Variants in TMEM131L observed in about 807,000 individuals in gnomAD.
The protein encoded by TMEM131L is transmembrane 131 like.
Under a neutral mutation model 192.2 loss-of-function variants are expected in TMEM131L, and 54 were observed. The observed-to-expected ratio is 0.28, with a 90% CI of 0.23 to 0.35. The LOEUF is 0.35. Ranked by LOEUF, TMEM131L falls within the 10% of genes least tolerant of loss-of-function variation. The pLI is 1.00. For missense variants in TMEM131L, 1,888 were observed against 1,972.9 expected, an observed-to-expected ratio of 0.96 and a Z score of 0.82; for synonymous variants, 701 against 704.9, an observed-to-expected ratio of 0.99 and a Z score of 0.09.
At chr4:153,586,072 C>T in intron 13 of TMEM131L, 137 bp from the exon 14 acceptor site, 1 of 580,248 alleles carries the variant, frequency 1.7e-6, no homozygotes. Context: ...TAAAAATATT[C>T]CAACTTTTGA....
At chr4:153,467,047 A>C (rs1347379119) in intron 1 of TMEM131L, among the ~76,000 whole-genome samples, 164 bp from the exon 2 acceptor site, 1 of 150,838 alleles carries the variant, frequency 6.6e-6, no homozygotes, top group Non-Finnish European at 1.5e-5. Flanking sequence ...CACCCCACCC[A>C]TTGTATTTTT....
intron 7 of TMEM131L, among the ~76,000 whole-genome samples, chr4:153,559,172 G>A (rs1215470955): frequency 2.6e-5 from 4 of 152,136 alleles, no homozygotes; most frequent in Non-Finnish European, 5.9e-5. Context: ...TTGTATCTGC[G>A]TAGAGCCTAC....
chr4:153,622,375 T>G (rs765043053), intron 28 of TMEM131L, among the ~76,000 whole-genome samples: 3 of 152,210 alleles, frequency 2.0e-5, no homozygotes, highest in Non-Finnish European at 4.4e-5. Flanking sequence ...CAACACCCAC[T>G]TTCTCCAGAC....
At chr4:153,513,265 C>G (rs1028422524) in intron 3 of TMEM131L, among the ~76,000 whole-genome samples, 6 of 152,182 alleles carry the variant, frequency 3.9e-5, no homozygotes, top group South Asian at 4.1e-4. Context: ...TATATACTTA[C>G]CAGAGAAAAC....
chr4:153,571,776 G>A (rs933669810), intron 7 of TMEM131L, among the ~76,000 whole-genome samples: 1 of 152,118 alleles, frequency 6.6e-6, no homozygotes, highest in Non-Finnish European at 1.5e-5. Context: ...GCCCAGGCTG[G>A]TTTCAAACTC....
intron 3 of TMEM131L, among the ~76,000 whole-genome samples, chr4:153,531,633 G>GT (rs1180167349): frequency 6.6e-6 from 1 of 152,162 alleles, no homozygotes; most frequent in East Asian, 1.9e-4. Flanking sequence ...GCATTTTACA[G>GT]TATAATACGC....
At chr4:153,621,539 C>G in intron 27 of TMEM131L, 144 bp from the exon 28 acceptor site, 2 of 712,278 alleles carry the variant, frequency 2.8e-6, no homozygotes, top group Admixed American at 5.8e-5. Context: ...GCTCATCATA[C>G]TCTTCCACCA....
intron 16 of TMEM131L, among the ~76,000 whole-genome samples, chr4:153,589,685 C>T (rs1730938158): frequency 6.6e-6 from 1 of 152,212 alleles, no homozygotes; most frequent in Non-Finnish European, 1.5e-5. Flanking sequence ...ATTGACATTA[C>T]AGTCCGTAGT....
At chr4:153,602,045 A>C (rs3810766) in intron 21 of TMEM131L, 107 bp from the exon 22 acceptor site, 184,400 of 637,482 alleles carry the variant, frequency 0.29, 27,960 homozygotes, top group Non-Finnish European at 0.32. Context: ...GCATTTTAGT[A>C]ATGTAGATCA....
intron 3 of TMEM131L, among the ~76,000 whole-genome samples, chr4:153,476,847 T>C (rs1215091876): frequency 6.6e-6 from 1 of 152,226 alleles, no homozygotes; most frequent in Admixed American, 6.5e-5. Context: ...ATCATTTCAG[T>C]GGTATTTAGA....
chr4:153,516,236 CTATA>C (rs2150111314), intron 3 of TMEM131L, among the ~76,000 whole-genome samples: 1 of 152,090 alleles, frequency 6.6e-6, no homozygotes, highest in South Asian at 2.1e-4. Context: ...TATGAATGTT[CTATA>C]ATTTTAAAAT....
chr4:153,606,008 G>T (rs1000838104), intron 25 of TMEM131L, among the ~76,000 whole-genome samples: 1 of 152,184 alleles, frequency 6.6e-6, no homozygotes, highest in Admixed American at 6.5e-5. Flanking sequence ...TGTCTGCAGG[G>T]TGGACACTGT....
intron 33 of TMEM131L, among the ~76,000 whole-genome samples, chr4:153,634,895 G>A (rs899421682): frequency 5.3e-5 from 8 of 152,208 alleles, no homozygotes; most frequent in Admixed American, 4.6e-4. Context: ...GGGAAGGGAT[G>A]TATCATTCTT....
rs540272666 is a variant in TMEM131L at position 153,621,433 on chromosome 4, G to A, written c.3693-250G>A. On this transcript the variant is annotated intron_variant, in intron 27 of 34. Coordinates refer to ENST00000409959, the MANE Select transcript of TMEM131L (RefSeq NM_001131007.2). ...CTGGTAAGGGGCAGATCCAGAATTC[G>A]AACCCAGGCAGTGTGGCACTCTGTC... Among the ~76,000 whole-genome samples, 7 of 152,250 alleles carry A rather than the reference G, an allele frequency of 4.6e-5. No homozygotes were observed. The East Asian group carries it at 9.6e-4, about 21-fold the overall frequency.
At chr4:153,502,757 A>T (rs1045652110) in intron 3 of TMEM131L, among the ~76,000 whole-genome samples, 4 of 152,238 alleles carry the variant, frequency 2.6e-5, no homozygotes, top group Admixed American at 2.6e-4. Context: ...GTATGAGAAG[A>T]TGCTTAGAGC....
At chr4:153,534,955 G>A (rs1462599403) in intron 3 of TMEM131L, among the ~76,000 whole-genome samples, 2 of 152,234 alleles carry the variant, frequency 1.3e-5, no homozygotes, top group Non-Finnish European at 2.9e-5. Flanking sequence ...AGAGCACAGC[G>A]TGAGGCCTTG....
chr4:153,577,210 G>A (rs764143187), intron 7 of TMEM131L, among the ~76,000 whole-genome samples: 2 of 152,154 alleles, frequency 1.3e-5, no homozygotes, highest in Admixed American at 6.5e-5. Context: ...TGGAGCATGC[G>A]CAGGGAGGTC....
intron 7 of TMEM131L, among the ~76,000 whole-genome samples, chr4:153,570,846 C>A (rs1223695895): frequency 6.6e-6 from 1 of 152,148 alleles, no homozygotes; most frequent in Non-Finnish European, 1.5e-5. Context: ...TCAGCAGATG[C>A]CCTGAGGTGA....
At chr4:153,521,107 T>A (rs1440735676) in intron 3 of TMEM131L, among the ~76,000 whole-genome samples, 4 of 152,208 alleles carry the variant, frequency 2.6e-5, no homozygotes, top group Non-Finnish European at 5.9e-5. Flanking sequence ...TGAGCCACTT[T>A]CCGGCTCTGT....
Sources: allele counts gnomAD v4.1 joint callset (sites outside exome capture counted in the v4.1 genomes callset), GRCh38; gene constraint gnomAD v4.1.1; transcripts MANE v1.5; gene names NCBI Gene and HGNC (gene_info 2026-07-23, HGNC 2026-07-21).